Variants in TMEM178A observed in about 807,000 individuals in gnomAD.
TMEM178A encodes the protein transmembrane protein 178.
TMEM178A carries 12 observed loss-of-function variants against 29.1 expected under a neutral mutation model. The observed-to-expected ratio is 0.41, with a 90% CI of 0.26 to 0.67. The LOEUF (loss-of-function observed/expected upper bound fraction) is 0.67. Ranked by LOEUF, TMEM178A falls within the 30% of genes least tolerant of loss-of-function variation. The pLI is 0.29. For missense variants in TMEM178A, 366 were observed against 419.1 expected (o/e 0.87, Z 1.11); for synonymous variants, 210 against 187.2 (o/e 1.12, Z -0.99).
chr2:39,719,573 G>A (rs912684833), downstream of TMEM178A, among the ~76,000 whole-genome samples: 4 of 152,222 alleles, frequency 2.6e-5, no homozygotes, highest in Admixed American at 2.6e-4. Context: ...TGCCAGTGCT[G>A]GGCATTTGGC....
At chr2:39,710,510 A>G (rs939805083) in intron 3 of TMEM178A, among the ~76,000 whole-genome samples, 1 of 152,184 alleles carries the variant, frequency 6.6e-6, no homozygotes, top group African/African-American at 2.4e-5. Flanking sequence ...GAGGAGGAGC[A>G]TGGAGTGGAT....
chr2:39,718,968 T>C (rs1223050672), downstream of TMEM178A, among the ~76,000 whole-genome samples: 1 of 152,196 alleles, frequency 6.6e-6, no homozygotes, highest in Non-Finnish European at 1.5e-5. Context: ...AAAAGGAAAA[T>C]GATCATCTAC....
rs553764996 is a variant in TMEM178A, at chr2:39,681,558, C to T, written c.400+15184C>T. On this transcript the variant is annotated intron_variant, in intron 1 of 3. Transcript: ENST00000281961. ...ATGAGGACCATCACATATTGGTCTT[C>T]GAATTGGTGTCTTGATTTGGAAATA... 8.0e-4 allele frequency among the ~76,000 whole-genome samples: 122 copies of T among 152,202 alleles called. 1 individual carries two copies. Among genetic ancestry groups the T allele is most frequent in the African/African-American group, 2.8e-3 (115 of 41,528 alleles).
chr2:39,690,870 A>C (rs1671286440), intron 1 of TMEM178A, among the ~76,000 whole-genome samples: 1 of 152,232 alleles, frequency 6.6e-6, no homozygotes, highest in Non-Finnish European at 1.5e-5. Flanking sequence ...CAAAATGATA[A>C]GTTCAGTAGA....
chr2:39,728,583 A>C, the TMEM178A span, among the ~76,000 whole-genome samples: 1 of 152,322 alleles, frequency 6.6e-6, no homozygotes, highest in South Asian at 2.1e-4. Context: ...AAAACTTTAT[A>C]GTTGTATGCA....
intron 3 of TMEM178A, among the ~76,000 whole-genome samples, chr2:39,715,738 C>T (rs958742786): frequency 1.3e-5 from 2 of 152,164 alleles, no homozygotes; most frequent in South Asian, 2.1e-4. Context: ...ATTCAGGCAA[C>T]GTGCTCTTAC....
chr2:39,705,157 T>C (rs1671969636), intron 2 of TMEM178A, among the ~76,000 whole-genome samples: 1 of 152,190 alleles, frequency 6.6e-6, no homozygotes, highest in Non-Finnish European at 1.5e-5. Flanking sequence ...GAACCTTAGC[T>C]CTTTAATAGT....
At chr2:39,667,161 G>A (rs1173617221) in intron 1 of TMEM178A, among the ~76,000 whole-genome samples, 1 of 152,130 alleles carries the variant, frequency 6.6e-6, no homozygotes, top group Non-Finnish European at 1.5e-5. Context: ...CTTTAAACTA[G>A]AGCTTTCCAG....
chr2:39,693,966 CTT>C (rs758406067), intron 1 of TMEM178A, among the ~76,000 whole-genome samples: 43 of 138,834 alleles, frequency 3.1e-4, no homozygotes, highest in Non-Finnish European at 4.2e-4. Flanking sequence ...CCTCAGCCAC[CTT>C]TTTTTTTTTT....
intron 1 of TMEM178A, among the ~76,000 whole-genome samples, chr2:39,670,205 T>A (rs1198644759): frequency 6.6e-6 from 1 of 152,130 alleles, no homozygotes; most frequent in Non-Finnish European, 1.5e-5. Flanking sequence ...CTGAAAGAAG[T>A]CTTTAGGTGT....
intron 1 of TMEM178A, among the ~76,000 whole-genome samples, chr2:39,668,157 C>T (rs1670251240): frequency 6.6e-6 from 1 of 152,170 alleles, no homozygotes; most frequent in African/African-American, 2.4e-5. Flanking sequence ...GGTGCCAGTT[C>T]CAGGGCAGTC....
At chr2:39,696,920 TC>T (rs1291809014) in intron 1 of TMEM178A, among the ~76,000 whole-genome samples, 4 of 152,204 alleles carry the variant, frequency 2.6e-5, no homozygotes, top group African/African-American at 9.7e-5. Flanking sequence ...TTCTTTTCAA[TC>T]CTCTGCATGT....
intron 1 of TMEM178A, among the ~76,000 whole-genome samples, chr2:39,666,807 T>A (rs112666493): frequency 6.8e-4 from 103 of 152,358 alleles, no homozygotes; most frequent in African/African-American, 2.4e-3. Flanking sequence ...TCCTTCAAGT[T>A]GTGCTCCTTT....
At chr2:39,719,770 C>T (rs938104304), downstream of TMEM178A, among the ~76,000 whole-genome samples, 20 of 152,120 alleles carry the variant, frequency 1.3e-4, no homozygotes, top group Non-Finnish European at 2.9e-4. Context: ...TGTATTAGAA[C>T]CAGTGTTGTC....
chr2:39,695,803 C>T (rs929365976), intron 1 of TMEM178A, among the ~76,000 whole-genome samples: 9 of 151,940 alleles, frequency 5.9e-5, no homozygotes, highest in African/African-American at 1.7e-4. Context: ...TGAGGGACCG[C>T]GTGTGATTTT....
chr2:39,714,728 C>T (rs958025322), intron 3 of TMEM178A, among the ~76,000 whole-genome samples: 9 of 151,990 alleles, frequency 5.9e-5, no homozygotes, highest in Admixed American at 4.6e-4. Context: ...CAGTATGAAC[C>T]GGTGGTTTAA....
At chr2:39,685,769 C>A (rs1286640601) in intron 1 of TMEM178A, among the ~76,000 whole-genome samples, 1 of 152,184 alleles carries the variant, frequency 6.6e-6, no homozygotes, top group African/African-American at 2.4e-5. Context: ...TTCTCTGCTG[C>A]AGGTAGAAAG....
chr2:39,682,217 A>G (rs990028512), intron 1 of TMEM178A, among the ~76,000 whole-genome samples: 1 of 152,184 alleles, frequency 6.6e-6, no homozygotes, highest in Non-Finnish European at 1.5e-5. Context: ...CATTCAGTGC[A>G]TTATGCACAT....
At chr2:39,701,084 GT>G (rs1671762028) in intron 1 of TMEM178A, among the ~76,000 whole-genome samples, 2 of 151,994 alleles carry the variant, frequency 1.3e-5, no homozygotes, top group African/African-American at 2.4e-5. Context: ...GAAAAAAAGA[GT>G]TGCAAACAAA....
Sources: allele counts gnomAD v4.1 joint callset (sites outside exome capture counted in the v4.1 genomes callset), GRCh38; gene constraint gnomAD v4.1.1; transcripts MANE v1.5; gene names NCBI Gene and HGNC (gene_info 2026-07-23, HGNC 2026-07-21).